NALCN: variants seen among roughly 807,000 people sequenced by gnomAD.
NALCN encodes sodium leak channel NALCN.
In NALCN, 111 loss-of-function variants were observed where a neutral mutation model predicts 225.3. The observed-to-expected ratio is 0.49, with a 90% CI of 0.42 to 0.58. The LOEUF is 0.58. NALCN is among the 20% of genes least tolerant of loss of function. The pLI is 0.00. For missense variants in NALCN, 1,378 were observed against 2,202.4 expected (o/e 0.63, Z 7.49); for synonymous variants, 764 against 769.0 (o/e 0.99, Z 0.11).
chr13:101,275,916 T>C (rs1415677292), intron 10 of NALCN, among the ~76,000 whole-genome samples: 1 of 151,586 alleles, frequency 6.6e-6, no homozygotes, highest in Non-Finnish European at 1.5e-5. Flanking sequence ...TACAAAAAAT[T>C]AGCTGGGCAT....
chr13:101,216,048 C>A (rs752174240), intron 13 of NALCN, among the ~76,000 whole-genome samples: 1 of 151,880 alleles, frequency 6.6e-6, no homozygotes, highest in African/African-American at 2.4e-5. Flanking sequence ...GACACTCGTG[C>A]GGAGATATCA....
rs1033082872 is a variant in NALCN at position 101,073,694 on chromosome 13, A to T, written c.4104-17T>A. The T allele has an allele frequency of 6.3e-7, 1 of 1,596,422 alleles. No homozygotes were observed. Among genetic ancestry groups the T allele is most frequent in the East Asian group, 2.2e-5 (1 of 44,762 alleles). On this transcript the variant is annotated splice_polypyrimidine_tract_variant and intron_variant, in intron 36 of 43. Coordinates refer to ENST00000251127, the MANE Select transcript of NALCN (RefSeq NM_052867.4). ...TTTGCATGCCTAATTTAAGAAAAAAAAATTAACAGAATGTGAATTATAGAA... is the reference window on the plus strand; with the variant it reads ...TTTGCATGCCTAATTTAAGAAAAAATAATTAACAGAATGTGAATTATAGAA...
chr13:101,259,576 C>T (rs895040154), intron 10 of NALCN, among the ~76,000 whole-genome samples: 14 of 151,420 alleles, frequency 9.2e-5, no homozygotes, highest in Admixed American at 7.9e-4. Context: ...CCTCATGATC[C>T]GCCCGCCTCG....
intron 34 of NALCN, among the ~76,000 whole-genome samples, chr13:101,076,360 G>A (rs1006108826): frequency 6.6e-6 from 1 of 152,178 alleles, no homozygotes; most frequent in African/African-American, 2.4e-5. Context: ...AGACACCACT[G>A]AAGAACAAAC....
chr13:101,271,686 ATGTG>A (rs917038252), intron 10 of NALCN, among the ~76,000 whole-genome samples: 1 of 151,622 alleles, frequency 6.6e-6, no homozygotes, highest in Non-Finnish European at 1.5e-5. Context: ...GTGTTTGTGC[ATGTG>A]TGTGTGCATG....
chr13:101,329,495 T>C (rs1019826300), intron 7 of NALCN, among the ~76,000 whole-genome samples: 1 of 152,164 alleles, frequency 6.6e-6, no homozygotes, highest in African/African-American at 2.4e-5. Flanking sequence ...TGACTGCTGA[T>C]GTGTTGTCTT....
At chr13:101,119,164 C>A (rs190265656) in intron 18 of NALCN, among the ~76,000 whole-genome samples, 39 of 152,158 alleles carry the variant, frequency 2.6e-4, no homozygotes, top group Non-Finnish European at 1.5e-4. Context: ...CAGCTAATGT[C>A]ATTTACATAA....
chr13:101,280,532 C>T (rs528295258), intron 10 of NALCN, among the ~76,000 whole-genome samples: 1 of 152,318 alleles, frequency 6.6e-6, no homozygotes, highest in Non-Finnish European at 1.5e-5. Context: ...CTCCTAATTT[C>T]AGATGGCCAC....
chr13:101,337,457 C>T (rs768738013), intron 7 of NALCN, among the ~76,000 whole-genome samples: 3 of 151,904 alleles, frequency 2.0e-5, no homozygotes, highest in African/African-American at 4.8e-5. Context: ...TACTGGCACC[C>T]GCCATCATGC....
intron 6 of NALCN, among the ~76,000 whole-genome samples, chr13:101,369,320 T>C (rs1206982388): frequency 6.6e-6 from 1 of 152,160 alleles, no homozygotes; most frequent in Admixed American, 6.6e-5. Context: ...CATGGTGAAC[T>C]TCATTTTTAG....
At chr13:101,198,996 T>A (rs1430075050) in intron 13 of NALCN, among the ~76,000 whole-genome samples, 1 of 152,044 alleles carries the variant, frequency 6.6e-6, no homozygotes, top group Non-Finnish European at 1.5e-5. Context: ...TGTAGGGACA[T>A]GGATGAAGCT....
At chr13:101,245,823 G>C (rs1594517510) in intron 11 of NALCN, among the ~76,000 whole-genome samples, 1 of 152,170 alleles carries the variant, frequency 6.6e-6, no homozygotes, top group South Asian at 2.1e-4. Flanking sequence ...CTGTGCGGCA[G>C]ATGGATAATT....
chr13:101,135,422 G>A (rs1364557605), intron 17 of NALCN, among the ~76,000 whole-genome samples: 1 of 151,968 alleles, frequency 6.6e-6, no homozygotes, highest in Admixed American at 6.5e-5. Context: ...GTTTTGAGAC[G>A]GAGTCTCGCT....
At chr13:101,368,176 C>A (rs2046434159) in intron 6 of NALCN, among the ~76,000 whole-genome samples, 1 of 135,962 alleles carries the variant, frequency 7.4e-6, no homozygotes, top group African/African-American at 2.8e-5. Flanking sequence ...ACAACAGTCC[C>A]CAGAGTGTGA....
intron 7 of NALCN, among the ~76,000 whole-genome samples, chr13:101,295,735 C>T (rs1410382938): frequency 1.3e-5 from 2 of 152,132 alleles, no homozygotes; most frequent in Non-Finnish European, 2.9e-5. Context: ...AGAAATGTTT[C>T]CCATACGTGA....
chr13:101,362,252 T>G (rs2046271525), intron 6 of NALCN, among the ~76,000 whole-genome samples: 1 of 152,058 alleles, frequency 6.6e-6, no homozygotes, highest in African/African-American at 2.4e-5. Context: ...TATAAACAGT[T>G]TATACATATG....
chr13:101,100,114 T>C (rs1436156277), intron 27 of NALCN, among the ~76,000 whole-genome samples: 3 of 152,026 alleles, frequency 2.0e-5, no homozygotes, highest in East Asian at 1.9e-4. Context: ...AAGAGGGAGA[T>C]TCTGGGCAGC....
chr13:101,119,817 CT>C (rs2139680591), intron 18 of NALCN, among the ~76,000 whole-genome samples: 1 of 152,282 alleles, frequency 6.6e-6, no homozygotes, highest in African/African-American at 2.4e-5. Context: ...GTGGAACATC[CT>C]CTTCGGATAA....
chr13:101,391,509 C>T (rs1314677736), intron 3 of NALCN, among the ~76,000 whole-genome samples: 1 of 151,628 alleles, frequency 6.6e-6, no homozygotes, highest in Non-Finnish European at 1.5e-5. Flanking sequence ...ATAGCAAGAC[C>T]CTGTCTCTAA....
Sources: gnomAD v4.1 joint callset for allele counts (sites outside exome capture counted in the v4.1 genomes callset) on GRCh38, gnomAD v4.1.1 for gene constraint, MANE v1.5 for transcripts, NCBI Gene and HGNC (gene_info 2026-07-23, HGNC 2026-07-21) for gene names.